Variants in NTSR1 observed in about 807,000 individuals in gnomAD.
NTSR1 encodes neurotensin receptor type 1.
In NTSR1, 29 loss-of-function variants were observed where a neutral mutation model predicts 31.2. The observed-to-expected ratio is 0.93, with a 90% CI of 0.69 to 1.27. The LOEUF (loss-of-function observed/expected upper bound fraction) is 1.27. NTSR1 is among the 50% of genes most tolerant of loss of function. The pLI is 0.00. For synonymous variants in NTSR1, 282 were observed against 269.9 expected (o/e 1.04, Z -0.44); for missense variants, 697 against 595.4 (o/e 1.17, Z -1.78).
At position 62,760,301 on chromosome 20, in the gene NTSR1, T is replaced by C; in HGVS notation, c.*34T>C. 1 of 1,570,440 alleles carries C rather than the reference T, an allele frequency of 6.4e-7. No individual in the cohort carries two copies. The highest frequency in any genetic ancestry group is 8.6e-7 in the Non-Finnish European group (1 of 1,157,084). On this transcript the variant is annotated 3_prime_UTR_variant, in exon 4 of 4. Coordinates refer to ENST00000370501, the MANE Select transcript of NTSR1 (RefSeq NM_002531.3). ...CCCCGGAACGTGTCCAGGAGGAGCC[T>C]GGCCATGGGTCCTTGCCCCCGACAG...
chr20:62,723,373 G>T (rs927882031), intron 1 of NTSR1, among the ~76,000 whole-genome samples: 1 of 152,148 alleles, frequency 6.6e-6, no homozygotes, highest in Admixed American at 6.5e-5. Flanking sequence ...AGTCAGGGAG[G>T]GACCGCAAGT....
At chr20:62,729,662 G>A (rs2427425) in intron 1 of NTSR1, among the ~76,000 whole-genome samples, 41,432 of 140,746 alleles carry the variant, frequency 0.29, 6,279 homozygotes, top group Middle Eastern at 0.42. Flanking sequence ...ATGGAGTCTC[G>A]CTCTGTCACC....
rs1989618538 is a variant in NTSR1, at chr20:62,761,319, G to A, written c.*1052G>A. 2 of 152,314 alleles carry A rather than the reference G, an allele frequency of 1.3e-5. No individual in the cohort carries two copies. The highest frequency in any genetic ancestry group is 2.4e-5 in the African/African-American group (1 of 41,452). The allele number at this position is 152,314 out of a possible 1,614,324, so 9.4% of individuals were successfully genotyped here. A position where few individuals can be genotyped will look rare whatever the true frequency, so the allele number is the denominator to read the frequency against. On this transcript the variant is annotated 3_prime_UTR_variant, in exon 4 of 4. Transcript: ENST00000370501. Reference sequence around the variant, plus strand: ...GGTCCCAGGAACTCAGGCTTCAGGTGAGAAGGAGCGGTGTGTCCAGGCACC... The same window carrying A: ...GGTCCCAGGAACTCAGGCTTCAGGTAAGAAGGAGCGGTGTGTCCAGGCACC...
chr20:62,713,435 A>G (rs1314019937), intron 1 of NTSR1, among the ~76,000 whole-genome samples: 1 of 152,170 alleles, frequency 6.6e-6, no homozygotes, highest in African/African-American at 2.4e-5. Flanking sequence ...CCAGCCGTTC[A>G]GGGCTGGCAG....
At position 62,744,273 on chromosome 20, in the gene NTSR1, G is replaced by A. The variant is rs866501717; in HGVS notation, c.715-10412G>A. ...CGCTCTTTTAGAAATGAGGCTGAGGGGCTGGACGCAGTGGCTCGTGTTTGT... is the reference window on the plus strand; with the variant it reads ...CGCTCTTTTAGAAATGAGGCTGAGGAGCTGGACGCAGTGGCTCGTGTTTGT... On this transcript the variant is annotated intron_variant, in intron 1 of 3. Coordinates refer to ENST00000370501, the MANE Select transcript of NTSR1 (RefSeq NM_002531.3). The surrounding 1 kb of genome is among the most constrained non-coding windows in gnomAD (Gnocchi z 4.1). Among the ~76,000 whole-genome samples, 1 of 152,200 alleles carries A rather than the reference G, an allele frequency of 6.6e-6. No individual in the cohort carries two copies. The highest frequency in any genetic ancestry group is 2.4e-5 in the African/African-American group (1 of 41,450).
chr20:62,709,926 G>T lies in NTSR1; in HGVS notation c.714+5G>T, dbSNP rs951198349. 27 of 1,578,622 alleles carry T rather than the reference G, an allele frequency of 1.7e-5. No homozygotes were observed. Among genetic ancestry groups the T allele is most frequent in the Non-Finnish European group, 2.3e-5 (27 of 1,158,912 alleles). ...ACCGTCAAGGTCGTCATACAGGTGA[G>T]CCTCAGTAACCAGCCCCGGGGCTCC... On this transcript the variant is annotated splice_donor_5th_base_variant and intron_variant, in intron 1 of 3. Transcript: ENST00000370501.
chr20:62,747,032 G>T lies in NTSR1; in HGVS notation c.715-7653G>T, dbSNP rs118088855. 2.0e-3 allele frequency among the ~76,000 whole-genome samples: 306 copies of T among 152,264 alleles called. 7 individuals carry two copies. In the South Asian group the frequency reaches 0.022, roughly 11 times the overall value. ...ACTTCATTCAACAGCATGTTGAAAGGCTCATCCACCATGAGCAGGTGGGAT... is the reference window on the plus strand; with the variant it reads ...ACTTCATTCAACAGCATGTTGAAAGTCTCATCCACCATGAGCAGGTGGGAT... On this transcript the variant is annotated intron_variant, in intron 1 of 3. Coordinates refer to ENST00000370501, the MANE Select transcript of NTSR1 (RefSeq NM_002531.3).
intron 1 of NTSR1, among the ~76,000 whole-genome samples, chr20:62,738,410 G>A (rs1345772437): frequency 1.3e-5 from 2 of 152,262 alleles, no homozygotes; most frequent in East Asian, 1.9e-4. Context: ...GCTGCCAGCA[G>A]TAATAGCCCG....
In NTSR1 at chr20:62,709,623, C is replaced by T; in HGVS notation, c.416C>T (p.Ala139Val). 1 of 1,611,966 alleles carries T rather than the reference C, an allele frequency of 6.2e-7. No homozygotes were observed. The highest frequency in any genetic ancestry group is 8.5e-7 in the Non-Finnish European group (1 of 1,179,906). ...CACCACCCCTGGGCCTTCGGCGACG[C>T]CGGCTGCCGCGGCTACTACTTCCTG... ...WVHHPWAFGDAGCRGYYFLRD... is the reference protein window; with the variant it reads ...WVHHPWAFGDVGCRGYYFLRD... Residue 139 changes from alanine (A) to valine (V), a missense_variant, in exon 1 of 4, where the codon GCC becomes GTC. Transcript: ENST00000370501.
chr20:62,710,696 G>A (rs1296474687), intron 1 of NTSR1, among the ~76,000 whole-genome samples: 1 of 152,152 alleles, frequency 6.6e-6, no homozygotes, highest in Non-Finnish European at 1.5e-5. Flanking sequence ...AAGCCCCCTT[G>A]GGAATCAGTT....
chr20:62,722,259 T>G (rs1378807673), intron 1 of NTSR1, among the ~76,000 whole-genome samples: 4 of 152,198 alleles, frequency 2.6e-5, no homozygotes, highest in Admixed American at 6.5e-5. Context: ...CCCTTCTCAC[T>G]TGGAAGAACT....
Position 62,708,905 on chromosome 20 carries a change from T to G in NTSR1, c.-303T>G. 2 of 331,782 alleles carry G rather than the reference T, an allele frequency of 6.0e-6. No individual in the cohort carries two copies. The highest frequency in any genetic ancestry group is 1.1e-5 in the Non-Finnish European group (2 of 184,216). 20.6% of individuals were successfully genotyped at this position (331,782 alleles called of 1,614,324 possible). ...CGGGGGCCTGGGGAACCGCGCGGTTTGGAGATCGGAGGCACCTGGAACCCG... is the reference window on the plus strand; with the variant it reads ...CGGGGGCCTGGGGAACCGCGCGGTTGGGAGATCGGAGGCACCTGGAACCCG... On this transcript the variant is annotated 5_prime_UTR_variant, in exon 1 of 4. Coordinates refer to ENST00000370501, the MANE Select transcript of NTSR1 (RefSeq NM_002531.3). The surrounding 1 kb of genome is among the most constrained non-coding windows in gnomAD (Gnocchi z 5.9).
chr20:62,728,695 C>G lies in NTSR1; in HGVS notation c.714+18774C>G, dbSNP rs78337029. On this transcript the variant is annotated intron_variant, in intron 1 of 3. Transcript: ENST00000370501. ...CTCAGGAAGGGGAAGGAAAAGGAAA[C>G]TGAGTCGCGAAGGGCAGGCCAACAC... is the stretch of plus-strand genomic sequence containing the variant. 5.9e-3 allele frequency among the ~76,000 whole-genome samples: 892 copies of G among 152,212 alleles called. 7 individuals are homozygous for G. Among genetic ancestry groups the G allele is most frequent in the African/African-American group, 0.02 (835 of 41,508 alleles).
chr20:62,757,889 G>A (rs779536603), intron 2 of NTSR1, among the ~76,000 whole-genome samples: 1 of 151,844 alleles, frequency 6.6e-6, no homozygotes, highest in Non-Finnish European at 1.5e-5. Flanking sequence ...CTGAGCTTGT[G>A]TCTGGTCTCT....
In NTSR1 at chr20:62,756,327, G is replaced by T. The variant is rs937733886; in HGVS notation, c.916+1441G>T. Among the ~76,000 whole-genome samples, 50 of 152,238 alleles carry T rather than the reference G, an allele frequency of 3.3e-4. 1 individual carries two copies. The highest frequency in any genetic ancestry group is 7.3e-5 in the Non-Finnish European group (5 of 68,046). ...GGGATGGCTGGAGCAAAGGCCCTGT[G>T]GTGGGAGGTGCTTGGCAAGAAGGCG... On this transcript the variant is annotated intron_variant, in intron 2 of 3. Coordinates refer to ENST00000370501, the MANE Select transcript of NTSR1 (RefSeq NM_002531.3).
chr20:62,738,328 G>A (rs568170464), intron 1 of NTSR1, among the ~76,000 whole-genome samples: 6 of 152,350 alleles, frequency 3.9e-5, no homozygotes, highest in South Asian at 2.1e-4. Context: ...AGAAGAGTCA[G>A]GCAAACTACT....
chr20:62,722,834 G>A (rs573737852), intron 1 of NTSR1, among the ~76,000 whole-genome samples: 5 of 152,330 alleles, frequency 3.3e-5, no homozygotes, highest in Non-Finnish European at 7.3e-5. Context: ...TACCCCTGGC[G>A]AAAGTCATCC....
At position 62,743,850 on chromosome 20, in the gene NTSR1, G is replaced by A. The variant is rs964039700; in HGVS notation, c.715-10835G>A. On this transcript the variant is annotated intron_variant, in intron 1 of 3. Coordinates refer to ENST00000370501, the MANE Select transcript of NTSR1 (RefSeq NM_002531.3). This position sits in a 1 kb window ranked among gnomAD's most constrained non-coding sequence, Gnocchi z 7.5. ...TGAGGTCGAGGGGCTGAGGCCGGCT[G>A]TCTGGAGCCTGTGTCGGGGGCACCC... 6.6e-6 allele frequency among the ~76,000 whole-genome samples: 1 copy of A among 152,164 alleles called. No individual in the cohort carries two copies. Among genetic ancestry groups the A allele is most frequent in the African/African-American group, 2.4e-5 (1 of 41,416 alleles).
At chr20:62,759,641 G>C (rs1392905493) in intron 3 of NTSR1, among the ~76,000 whole-genome samples, 1 of 152,230 alleles carries the variant, frequency 6.6e-6, no homozygotes, top group South Asian at 2.1e-4. Flanking sequence ...GGGCGTGGTG[G>C]GGGGGTCCCT....
Sources: gnomAD v4.1 joint callset for allele counts (sites outside exome capture counted in the v4.1 genomes callset) on GRCh38, gnomAD v4.1.1 for gene constraint, Gnocchi (gnomAD v3.1) non-coding constraint, MANE v1.5 for transcripts, NCBI Gene and HGNC (gene_info 2026-07-23, HGNC 2026-07-21) for gene names.